CD96: variants seen among roughly 807,000 people sequenced by gnomAD.
CD96 encodes CD96 molecule, also known as T-cell surface protein tactile.
Under a neutral mutation model 71.3 loss-of-function variants are expected in CD96, and 70 were observed. The ratio of observed to expected loss-of-function variants is 0.98; its 90% CI spans 0.81 to 1.20. CD96 has a LOEUF of 1.20. CD96 is among the 50% of genes most tolerant of loss of function. The pLI is 0.00. For synonymous variants in CD96, 248 were observed against 233.0 expected (o/e 1.06, Z -0.59); for missense variants, 742 against 677.5 (o/e 1.10, Z -1.06).
chr3:111,632,701 A>G (rs1448368069), intron 10 of CD96, among the ~76,000 whole-genome samples: 2 of 152,232 alleles, frequency 1.3e-5, no homozygotes, highest in African/African-American at 2.4e-5. Flanking sequence ...TCACAATAGC[A>G]AAGACATGGA....
chr3:111,556,534 T>G (rs1346397813), intron 2 of CD96, among the ~76,000 whole-genome samples: 48 of 132,814 alleles, frequency 3.6e-4, no homozygotes, highest in African/African-American at 1.4e-3. Flanking sequence ...GGACGTGAAC[T>G]CATCATTTTT....
intron 8 of CD96, among the ~76,000 whole-genome samples, chr3:111,621,362 A>C (rs1938510920): frequency 6.6e-6 from 1 of 152,238 alleles, no homozygotes; most frequent in Non-Finnish European, 1.5e-5. Context: ...GAGAGAAGGT[A>C]GGGGAGGAAG....
At chr3:111,555,758 GT>G (rs1934976649) in intron 2 of CD96, among the ~76,000 whole-genome samples, 1 of 152,092 alleles carries the variant, frequency 6.6e-6, no homozygotes, top group Admixed American at 6.6e-5. Context: ...TTCAGGTTTT[GT>G]TAAAGTTCTT....
chr3:111,643,861 C>T (rs943856149), intron 12 of CD96, among the ~76,000 whole-genome samples: 2 of 152,058 alleles, frequency 1.3e-5, no homozygotes, highest in Admixed American at 6.5e-5. Context: ...GGAAACACAT[C>T]CCATGCTCAT....
At position 111,577,692 on chromosome 3, in the gene CD96, A is replaced by C. The variant is rs1576340607; in HGVS notation, c.544-1335A>C. Reference sequence around the variant, plus strand: ...GGTGTCTTACATAAGAGTTTCTACTAAGTATATTCTGGAATTTTCTATTTA... The same window carrying C: ...GGTGTCTTACATAAGAGTTTCTACTCAGTATATTCTGGAATTTTCTATTTA... On this transcript the variant is annotated intron_variant, in intron 3 of 13. Transcript: ENST00000352690. The C allele has an allele frequency of 5.4e-6, 4 of 737,568 alleles. No individual in the cohort carries two copies. The East Asian group carries it at 1.0e-4, about 18-fold the overall frequency. 45.7% of individuals were successfully genotyped at this position (737,568 alleles called of 1,614,324 possible).
At chr3:111,624,434 C>T (rs1559763254) in intron 10 of CD96, 30 bp downstream of exon 10, 1 of 1,237,304 alleles carries the variant, frequency 8.1e-7, no homozygotes, top group Non-Finnish European at 1.2e-6. Context: ...CCCTTGAGTC[C>T]TCTGGACTTC....
At chr3:111,608,145 T>G (rs1206582628) in intron 8 of CD96, among the ~76,000 whole-genome samples, 1 of 152,208 alleles carries the variant, frequency 6.6e-6, no homozygotes, top group Non-Finnish European at 1.5e-5. Context: ...TGACTGGAAC[T>G]AAAGAATCTG....
chr3:111,646,399 G>A (rs1023817273), intron 12 of CD96, among the ~76,000 whole-genome samples: 5 of 151,996 alleles, frequency 3.3e-5, no homozygotes, highest in African/African-American at 9.7e-5. Flanking sequence ...CATGTAAAAT[G>A]TAAAATGTTA....
chr3:111,639,755 A>T (rs1939506148), intron 12 of CD96, among the ~76,000 whole-genome samples: 1 of 152,182 alleles, frequency 6.6e-6, no homozygotes, highest in South Asian at 2.1e-4. Context: ...CCACCAAAAC[A>T]GGCACTGGTA....
At chr3:111,625,928 C>T (rs903575837) in intron 10 of CD96, among the ~76,000 whole-genome samples, 1 of 152,134 alleles carries the variant, frequency 6.6e-6, no homozygotes, top group Non-Finnish European at 1.5e-5. Flanking sequence ...AGAATGCCTA[C>T]AAATTAATAA....
At chr3:111,584,026 T>G (rs1936589707) in intron 4 of CD96, among the ~76,000 whole-genome samples, 1 of 152,244 alleles carries the variant, frequency 6.6e-6, no homozygotes, top group African/African-American at 2.4e-5. Context: ...CAAACTTTCA[T>G]GCTCTGCTTC....
At chr3:111,623,661 C>T in intron 8 of CD96, 93 bp from the exon 9 acceptor site, 1 of 802,700 alleles carries the variant, frequency 1.2e-6, no homozygotes, top group Admixed American at 1.9e-5. Context: ...CTTTCCAACT[C>T]TAATATTCCA....
chr3:111,571,174 G>T (rs1277521844), intron 3 of CD96: 2 of 565,466 alleles, frequency 3.5e-6, no homozygotes, highest in South Asian at 5.6e-5. Flanking sequence ...CCCTTTTCTT[G>T]CCTGGAGTAA....
chr3:111,585,689 A>G (rs1936681503), intron 5 of CD96, among the ~76,000 whole-genome samples: 1 of 152,240 alleles, frequency 6.6e-6, no homozygotes, highest in African/African-American at 2.4e-5. Context: ...AAAGTAGGGC[A>G]GAAAGCAGTG....
chr3:111,571,088 A>G (rs978660141), intron 3 of CD96: 4 of 818,112 alleles, frequency 4.9e-6, no homozygotes, highest in Non-Finnish European at 8.5e-6. Context: ...AGTGGAGACT[A>G]AGACCCGGGC....
At chr3:111,607,878 C>T (rs137861977) in intron 8 of CD96, among the ~76,000 whole-genome samples, 79 of 152,166 alleles carry the variant, frequency 5.2e-4, no homozygotes, top group Middle Eastern at 3.4e-3. Flanking sequence ...AACTCACTGC[C>T]GGTTAATCAT....
chr3:111,659,274 T>G (rs764428866), intron 14 of CD96, among the ~76,000 whole-genome samples: 82 of 152,292 alleles, frequency 5.4e-4, no homozygotes, highest in Admixed American at 1.2e-3. Flanking sequence ...CTTTTCTTTG[T>G]TAATCTTGCT....
downstream of CD96, among the ~76,000 whole-genome samples, chr3:111,655,544 T>C (rs1284352350): frequency 6.6e-6 from 1 of 152,188 alleles, no homozygotes; most frequent in African/African-American, 2.4e-5. Context: ...AGGCTGTCAA[T>C]AGAGGCAAGG....
At chr3:111,608,008 C>T (rs1559753679) in intron 8 of CD96, among the ~76,000 whole-genome samples, 7 of 148,700 alleles carry the variant, frequency 4.7e-5, no homozygotes, top group Admixed American at 3.3e-4. Flanking sequence ...TTTAGCAAAA[C>T]ATATATTGTC....
Sources: allele counts gnomAD v4.1 joint callset (sites outside exome capture counted in the v4.1 genomes callset), GRCh38; gene constraint gnomAD v4.1.1; transcripts MANE v1.5; gene names NCBI Gene and HGNC (gene_info 2026-07-23, HGNC 2026-07-21).